The following NCOA2 variants were observed in gnomAD, a reference collection of about 807,000 sequenced individuals.
NCOA2 encodes nuclear receptor coactivator 2, also known as class E basic helix-loop-helix protein 75.
NCOA2 carries 21 observed loss-of-function variants against 145.1 expected under a neutral mutation model. That is an observed-to-expected ratio of 0.14 (90% confidence interval 0.10 to 0.21). The LOEUF (loss-of-function observed/expected upper bound fraction) is 0.21. NCOA2 is among the 10% of genes least tolerant of loss of function. The pLI is 1.00. For synonymous variants in NCOA2, 619 were observed against 637.5 expected, an observed-to-expected ratio of 0.97 and a Z score of 0.44; for missense variants, 1,472 against 1,837.6, an observed-to-expected ratio of 0.80 and a Z score of 3.64.
intron 22 of NCOA2, among the ~76,000 whole-genome samples, chr8:70,118,773 C>CCGCCT (rs2131287250): frequency 6.6e-6 from 1 of 150,818 alleles, no homozygotes; most frequent in Non-Finnish European, 1.5e-5. Flanking sequence ...ACTACAACTT[C>CCGCCT]CGCCTCCCAG....
chr8:70,301,790 C>A (rs1421057364), intron 1 of NCOA2, among the ~76,000 whole-genome samples: 1 of 151,760 alleles, frequency 6.6e-6, no homozygotes, highest in Non-Finnish European at 1.5e-5. Context: ...AAGGGCAGCC[C>A]AACAACTATC....
intron 4 of NCOA2, among the ~76,000 whole-genome samples, chr8:70,193,885 T>C (rs567518836): frequency 6.6e-6 from 1 of 152,292 alleles, no homozygotes; most frequent in African/African-American, 2.4e-5. Context: ...TGGTGTTAAC[T>C]GGCAGTGGAA....
chr8:70,409,210 C>A, the NCOA2 span, among the ~76,000 whole-genome samples: 1 of 152,124 alleles, frequency 6.6e-6, no homozygotes, highest in Admixed American at 6.6e-5. Context: ...AGGTCTAATT[C>A]TAAAAATTAT....
At chr8:70,368,607 T>C (rs1371666717) in intron 1 of NCOA2, among the ~76,000 whole-genome samples, 1 of 152,256 alleles carries the variant, frequency 6.6e-6, no homozygotes, top group Non-Finnish European at 1.5e-5. Flanking sequence ...ATAAAACAGC[T>C]TAAGTATAGT....
At chr8:70,374,399 G>A (rs1360433326) in intron 1 of NCOA2, among the ~76,000 whole-genome samples, 2 of 151,734 alleles carry the variant, frequency 1.3e-5, no homozygotes, top group African/African-American at 4.8e-5. Context: ...TTGAAGCCAG[G>A]TGGCAGAGGT....
chr8:70,117,434 C>T (rs1807267090), intron 22 of NCOA2, among the ~76,000 whole-genome samples: 1 of 152,358 alleles, frequency 6.6e-6, no homozygotes, highest in South Asian at 2.1e-4. Flanking sequence ...GTTCCTCCCT[C>T]CTGAGATGAA....
chr8:70,328,958 T>C (rs1323433885), intron 1 of NCOA2, among the ~76,000 whole-genome samples: 1 of 151,860 alleles, frequency 6.6e-6, no homozygotes, highest in Admixed American at 6.6e-5. Flanking sequence ...CCAGCAATTT[T>C]TTTTTCCTTC....
At chr8:70,358,488 G>C (rs1030627894) in intron 1 of NCOA2, among the ~76,000 whole-genome samples, 1 of 152,194 alleles carries the variant, frequency 6.6e-6, no homozygotes, top group African/African-American at 2.4e-5. Flanking sequence ...CAACAATGAT[G>C]TCAAGAGTAT....
chr8:70,284,675 C>T (rs943506746), intron 2 of NCOA2, among the ~76,000 whole-genome samples: 1 of 151,878 alleles, frequency 6.6e-6, no homozygotes, highest in African/African-American at 2.4e-5. Flanking sequence ...TGAGGGAGAA[C>T]GTGTGTGTGT....
In NCOA2 at chr8:70,249,963, C is replaced by CA. The variant is rs747018939; in HGVS notation, c.-19-33200dup. Among the ~76,000 whole-genome samples, 589 of 75,210 alleles carry CA rather than the reference C, an allele frequency of 7.8e-3. 10 individuals are homozygous for CA. The highest frequency in any genetic ancestry group is 0.022 in the African/African-American group (392 of 17,824). The allele number at this position is 75,210 out of a possible 152,430, so 49.3% of individuals were successfully genotyped here. A position where few individuals can be genotyped will look rare whatever the true frequency, so the allele number is the denominator to read the frequency against. ...AGGCAACAGAGAGAGAATCTGCCTCCAAAAAAAAAAAAAAAAGAAGAAGAA... is the reference window on the plus strand; with the variant it reads ...AGGCAACAGAGAGAGAATCTGCCTCCAAAAAAAAAAAAAAAAAGAAGAAGAA... On this transcript the variant is annotated intron_variant, in intron 2 of 22. Transcript: ENST00000452400.
intron 2 of NCOA2, among the ~76,000 whole-genome samples, chr8:70,251,647 A>AC (rs1302729693): frequency 6.6e-6 from 1 of 152,206 alleles, no homozygotes; most frequent in African/African-American, 2.4e-5. Context: ...TACCTTATAA[A>AC]CCTTGGGCTT....
At chr8:70,302,351 G>T (rs1002088081) in intron 1 of NCOA2, among the ~76,000 whole-genome samples, 3 of 152,050 alleles carry the variant, frequency 2.0e-5, no homozygotes, top group African/African-American at 4.8e-5. Context: ...GACCTCAGAA[G>T]AATAATTTAT....
At chr8:70,231,321 A>C (rs2977986) in intron 2 of NCOA2, among the ~76,000 whole-genome samples, 109,387 of 152,212 alleles carry the variant, frequency 0.72, 41,462 homozygotes, top group Non-Finnish European at 0.84. Context: ...GAATTGTTTT[A>C]GCACTTCATT....
At chr8:70,386,684 G>T (rs1209563191) in intron 1 of NCOA2, among the ~76,000 whole-genome samples, 1 of 152,124 alleles carries the variant, frequency 6.6e-6, no homozygotes, top group East Asian at 1.9e-4. Context: ...CTTCCTTAGT[G>T]ATAACCAGAG....
intron 1 of NCOA2, among the ~76,000 whole-genome samples, chr8:70,336,998 A>G (rs1807656898): frequency 6.6e-6 from 1 of 152,204 alleles, no homozygotes; most frequent in South Asian, 2.1e-4. Flanking sequence ...AGCCAAAAAT[A>G]AGAGACAATA....
At chr8:70,180,219 T>C (rs1007821826) in intron 4 of NCOA2, among the ~76,000 whole-genome samples, 1 of 152,216 alleles carries the variant, frequency 6.6e-6, no homozygotes, top group Non-Finnish European at 1.5e-5. Context: ...ATCTGATCAG[T>C]AGGAAGTAGC....
chr8:70,118,527 G>C (rs1563473353), intron 22 of NCOA2, among the ~76,000 whole-genome samples: 2 of 152,114 alleles, frequency 1.3e-5, no homozygotes, highest in Admixed American at 1.3e-4. Flanking sequence ...AAAAACAAGA[G>C]AAACCGCATG....
intron 2 of NCOA2, among the ~76,000 whole-genome samples, chr8:70,252,188 G>C (rs745630679): frequency 3.9e-5 from 6 of 152,172 alleles, no homozygotes; most frequent in Non-Finnish European, 7.4e-5. Flanking sequence ...CCTAGCTTTA[G>C]AATCATTTAC....
At chr8:70,291,882 AAGGTCAGT>A (rs892767860) in intron 2 of NCOA2, among the ~76,000 whole-genome samples, 1 of 151,900 alleles carries the variant, frequency 6.6e-6, no homozygotes, top group Non-Finnish European at 1.5e-5. Context: ...GGCGGATCAC[AAGGTCAGT>A]AGATTGAGAC....
Sources: allele counts gnomAD v4.1 joint callset (sites outside exome capture counted in the v4.1 genomes callset), GRCh38; gene constraint gnomAD v4.1.1; transcripts MANE v1.5; gene names NCBI Gene and HGNC (gene_info 2026-07-23, HGNC 2026-07-21).